The following CCDC171 variants were observed in gnomAD, a reference collection of about 807,000 sequenced individuals.
The protein encoded by CCDC171 is coiled-coil domain containing 171.
Under a neutral mutation model 168.2 loss-of-function variants are expected in CCDC171, and 177 were observed. The observed-to-expected ratio is 1.05, with a 90% confidence interval of 0.93 to 1.19. The LOEUF is 1.19. Ranked by LOEUF, CCDC171 falls within the 50% of genes most tolerant of loss-of-function variation. The probability of loss-of-function intolerance (pLI) is 0.00; values close to 1 mark genes in which losing one functional copy is unlikely to be tolerated. For missense variants in CCDC171, 1,991 were observed against 1,539.0 expected, an observed-to-expected ratio of 1.29 and a Z score of -4.91; for synonymous variants, 687 against 540.8, an observed-to-expected ratio of 1.27 and a Z score of -3.75.
chr9:15,610,450 A>T (rs55934806), intron 6 of CCDC171, among the ~76,000 whole-genome samples: 2 of 110,784 alleles, frequency 1.8e-5, no homozygotes, highest in African/African-American at 7.5e-5. Context: ...CAACTAAAAA[A>T]AAAAAAAAAA....
chr9:15,739,959 G>A (rs1197961890), intron 16 of CCDC171, among the ~76,000 whole-genome samples: 5 of 151,976 alleles, frequency 3.3e-5, no homozygotes, highest in Admixed American at 6.6e-5. Flanking sequence ...GGATGGTCTC[G>A]ATCTCCTGGT....
intron 25 of CCDC171, among the ~76,000 whole-genome samples, chr9:15,929,837 A>G (rs1483884995): frequency 6.6e-6 from 1 of 151,730 alleles, no homozygotes; most frequent in Non-Finnish European, 1.5e-5. Flanking sequence ...GAAACTCAAG[A>G]GTTGTTTTTT....
chr9:15,867,124 G>A (rs1193891868), intron 23 of CCDC171, among the ~76,000 whole-genome samples: 1 of 152,006 alleles, frequency 6.6e-6, no homozygotes, highest in Non-Finnish European at 1.5e-5. Flanking sequence ...TGCAGGTAAT[G>A]TAATGACTAG....
chr9:15,666,405 T>C lies in CCDC171; in HGVS notation c.1076+82T>C, dbSNP rs1358856923. 26 of 937,110 alleles carry C rather than the reference T, an allele frequency of 2.8e-5. 2 individuals carry two copies. In the Middle Eastern group the frequency reaches 3.7e-3, roughly 133 times the overall value. 58.0% of individuals were successfully genotyped at this position (937,110 alleles called of 1,614,324 possible). ...ATAAAATATGAATGTATACTATGTA[T>C]TTTAGATATAGCTCCCATTAATGTC... On this transcript the variant is annotated intron_variant, in intron 9 of 25. Coordinates refer to ENST00000380701, the MANE Select transcript of CCDC171 (RefSeq NM_173550.4).
At chr9:15,855,856 T>C (rs1342822404) in intron 23 of CCDC171, among the ~76,000 whole-genome samples, 3 of 151,974 alleles carry the variant, frequency 2.0e-5, no homozygotes, top group Non-Finnish European at 4.4e-5. Context: ...TTGTTACAAA[T>C]TACATTCTTA....
intron 25 of CCDC171, among the ~76,000 whole-genome samples, chr9:15,952,187 C>G (rs1315881357): frequency 1.3e-5 from 2 of 152,096 alleles, no homozygotes; most frequent in African/African-American, 4.8e-5. Context: ...ACTCATTTGA[C>G]CATTATCTGA....
At chr9:15,928,411 G>T (rs1564014492) in intron 25 of CCDC171, among the ~76,000 whole-genome samples, 1 of 151,686 alleles carries the variant, frequency 6.6e-6, no homozygotes, top group East Asian at 1.9e-4. Flanking sequence ...AAGCAGAGTG[G>T]ATTAGATGGA....
intron 24 of CCDC171, among the ~76,000 whole-genome samples, chr9:15,919,341 G>T (rs1482180603): frequency 6.6e-6 from 1 of 151,548 alleles, no homozygotes; most frequent in Non-Finnish European, 1.5e-5. Flanking sequence ...ATTCACAACT[G>T]CTCAAATACA....
chr9:16,051,077 G>A (rs1331082432), intron 1 of CCDC171, among the ~76,000 whole-genome samples: 1 of 152,094 alleles, frequency 6.6e-6, no homozygotes, highest in African/African-American at 2.4e-5. Context: ...GGCCTATGCA[G>A]TGTTTATCAT....
intron 24 of CCDC171, among the ~76,000 whole-genome samples, chr9:15,908,730 T>C (rs1482658185): frequency 6.6e-6 from 1 of 152,026 alleles, no homozygotes; most frequent in African/African-American, 2.4e-5. Context: ...TGTAGGCTTC[T>C]AGGGAAGCTT....
chr9:16,021,749 G>A (rs1224335921), intron 4 of CCDC171, among the ~76,000 whole-genome samples: 2 of 152,202 alleles, frequency 1.3e-5, no homozygotes, highest in Non-Finnish European at 2.9e-5. Context: ...ATGAAATAAT[G>A]TGAGCAAAAG....
At chr9:15,950,072 A>G (rs1337319914) in intron 25 of CCDC171, among the ~76,000 whole-genome samples, 2 of 152,148 alleles carry the variant, frequency 1.3e-5, no homozygotes, top group East Asian at 3.9e-4. Flanking sequence ...GGAAGTTTAG[A>G]CGAAAAAGAA....
At chr9:15,677,293 C>T (rs12377817) in intron 9 of CCDC171, among the ~76,000 whole-genome samples, 19,630 of 152,000 alleles carry the variant, frequency 0.13, 1,600 homozygotes, top group Non-Finnish European at 0.19. Flanking sequence ...TCCTTTTACA[C>T]GTGTTTATTT....
chr9:15,756,939 C>T (rs1025199913), intron 18 of CCDC171, among the ~76,000 whole-genome samples: 1 of 152,194 alleles, frequency 6.6e-6, no homozygotes, highest in African/African-American at 2.4e-5. Flanking sequence ...ATTGTGAGGC[C>T]TCCTCAGCCA....
intron 24 of CCDC171, among the ~76,000 whole-genome samples, chr9:15,878,869 C>T (rs1251613165): frequency 6.6e-6 from 1 of 152,086 alleles, no homozygotes; most frequent in Non-Finnish European, 1.5e-5. Context: ...AGCAATCTAA[C>T]ACGGGAACAG....
At chr9:15,790,068 A>G (rs1564411001) in intron 21 of CCDC171, among the ~76,000 whole-genome samples, 1 of 152,178 alleles carries the variant, frequency 6.6e-6, no homozygotes, top group African/African-American at 2.4e-5. Context: ...ATACGTGTGC[A>G]TGTGTGTTTA....
chr9:15,624,485 C>T (rs1255746010), intron 7 of CCDC171, among the ~76,000 whole-genome samples: 11 of 151,994 alleles, frequency 7.2e-5, no homozygotes, highest in Admixed American at 6.6e-4. Context: ...ATGACAGGCC[C>T]CGGTGTGTGA....
intron 3 of CCDC171, among the ~76,000 whole-genome samples, chr9:16,020,425 CT>C (rs1833131513): frequency 6.6e-6 from 1 of 152,122 alleles, no homozygotes; most frequent in Non-Finnish European, 1.5e-5. Context: ...TTTCTTTTTC[CT>C]TCTTTACAAT....
At chr9:15,591,982 T>G (rs1302415786) in intron 5 of CCDC171, among the ~76,000 whole-genome samples, 2 of 152,248 alleles carry the variant, frequency 1.3e-5, no homozygotes, top group East Asian at 3.9e-4. Context: ...TGTATAAACA[T>G]GATATGTAAC....
Sources: allele counts gnomAD v4.1 joint callset (sites outside exome capture counted in the v4.1 genomes callset), GRCh38; gene constraint gnomAD v4.1.1; transcripts MANE v1.5; gene names NCBI Gene and HGNC (gene_info 2026-07-23, HGNC 2026-07-21).